Variants in RBMS3 observed in about 807,000 individuals in gnomAD.
RBMS3 encodes RNA binding motif single stranded interacting protein 3.
In RBMS3, 27 loss-of-function variants were observed where a neutral mutation model predicts 66.8. That is an observed-to-expected ratio of 0.40 (90% confidence interval 0.30 to 0.56). RBMS3 has a LOEUF of 0.56. Among genes scored for constraint, RBMS3 ranks in the 20% least tolerant of loss-of-function variants. The pLI is 0.40. For missense variants in RBMS3, 513 were observed against 549.5 expected, an observed-to-expected ratio of 0.93 and a Z score of 0.66; for synonymous variants, 188 against 183.0, an observed-to-expected ratio of 1.03 and a Z score of -0.22.
At chr3:29,916,244 C>G (rs776522801) in intron 10 of RBMS3, among the ~76,000 whole-genome samples, 11 of 151,952 alleles carry the variant, frequency 7.2e-5, no homozygotes, top group Non-Finnish European at 1.3e-4. Context: ...CTCTCTTTCC[C>G]CCTCTCCATT....
At chr3:29,704,003 G>C (rs919153825) in intron 4 of RBMS3, among the ~76,000 whole-genome samples, 2 of 152,200 alleles carry the variant, frequency 1.3e-5, no homozygotes, top group African/African-American at 4.8e-5. Context: ...TAGGTTGTGT[G>C]TTCCTTATGA....
intron 6 of RBMS3, among the ~76,000 whole-genome samples, chr3:29,794,390 T>G (rs2057112309): frequency 1.3e-5 from 2 of 151,962 alleles, no homozygotes; most frequent in Admixed American, 1.3e-4. Flanking sequence ...ATCGAGACCA[T>G]CCTGGCTAAC....
chr3:29,793,097 G>A (rs1018669712), intron 6 of RBMS3, among the ~76,000 whole-genome samples: 2 of 151,944 alleles, frequency 1.3e-5, no homozygotes, highest in Non-Finnish European at 2.9e-5. Flanking sequence ...AAATTAGCTG[G>A]GTGTGCACCT....
intron 1 of RBMS3, among the ~76,000 whole-genome samples, chr3:29,327,456 A>T (rs1227918567): frequency 6.6e-6 from 1 of 152,158 alleles, no homozygotes; most frequent in Non-Finnish European, 1.5e-5. Flanking sequence ...GGAGTGGAGG[A>T]TAAATGACAG....
chr3:29,953,367 C>G (rs1253769484), intron 12 of RBMS3, among the ~76,000 whole-genome samples: 1 of 151,932 alleles, frequency 6.6e-6, no homozygotes, highest in African/African-American at 2.4e-5. Context: ...TTGTCCACCA[C>G]AGTCCTTGAG....
chr3:29,717,933 T>G (rs1029336376), intron 4 of RBMS3, among the ~76,000 whole-genome samples: 1 of 152,130 alleles, frequency 6.6e-6, no homozygotes, highest in Non-Finnish European at 1.5e-5. Context: ...AGATCATGAA[T>G]GCCCACGCTT....
chr3:29,922,209 C>T (rs561688215), intron 10 of RBMS3, among the ~76,000 whole-genome samples: 43 of 152,248 alleles, frequency 2.8e-4, no homozygotes, highest in African/African-American at 1.0e-3. Context: ...TAACAGAGGC[C>T]GGGCACGGTG....
chr3:29,283,679 G>A (rs934787845), intron 1 of RBMS3, among the ~76,000 whole-genome samples: 21 of 152,122 alleles, frequency 1.4e-4, no homozygotes, highest in Admixed American at 5.9e-4. Flanking sequence ...TCCATTAGGC[G>A]TCCTATGTTG....
At chr3:29,723,127 C>T (rs2053715547) in intron 4 of RBMS3, among the ~76,000 whole-genome samples, 1 of 149,824 alleles carries the variant, frequency 6.7e-6, no homozygotes, top group Non-Finnish European at 1.5e-5. Flanking sequence ...AGGCGCACAT[C>T]CCCACGCCTG....
chr3:29,718,707 G>A (rs1401911277), intron 4 of RBMS3, among the ~76,000 whole-genome samples: 2 of 152,144 alleles, frequency 1.3e-5, no homozygotes, highest in Non-Finnish European at 2.9e-5. Context: ...CACATGCTTG[G>A]TATGTAACTA....
At chr3:29,500,103 G>A (rs2043910745) in intron 3 of RBMS3, among the ~76,000 whole-genome samples, 1 of 150,208 alleles carries the variant, frequency 6.7e-6, no homozygotes, top group Admixed American at 6.6e-5. Flanking sequence ...ATTACATAAG[G>A]TAGAATTTGT....
At chr3:29,517,320 T>C (rs1039976149) in intron 3 of RBMS3, among the ~76,000 whole-genome samples, 5 of 105,558 alleles carry the variant, frequency 4.7e-5, no homozygotes, top group African/African-American at 2.6e-4. Context: ...TATATATATA[T>C]TTTTTTTTTG....
chr3:29,418,220 G>A (rs1458537608), intron 1 of RBMS3, among the ~76,000 whole-genome samples: 1 of 152,058 alleles, frequency 6.6e-6, no homozygotes, highest in Non-Finnish European at 1.5e-5. Context: ...GAACACACTA[G>A]GTCATGCCAT....
intron 1 of RBMS3, among the ~76,000 whole-genome samples, chr3:29,305,944 T>G (rs2033979383): frequency 1.3e-5 from 2 of 152,004 alleles, no homozygotes; most frequent in South Asian, 2.1e-4. Flanking sequence ...TGTCACAGAA[T>G]AGTCAGAAGG....
chr3:29,759,900 A>C (rs2055590770), intron 5 of RBMS3, among the ~76,000 whole-genome samples: 1 of 152,102 alleles, frequency 6.6e-6, no homozygotes, highest in South Asian at 2.1e-4. Context: ...GTGCAGCGTA[A>C]CATGGTTTGA....
chr3:29,585,158 A>G (rs1042185480), intron 3 of RBMS3, among the ~76,000 whole-genome samples: 1 of 152,126 alleles, frequency 6.6e-6, no homozygotes, highest in African/African-American at 2.4e-5. Flanking sequence ...TTATTATTGA[A>G]TGAATAAATA....
Position 29,792,402 on chromosome 3 carries a change from G to A in RBMS3, c.637+29413G>A, listed in dbSNP as rs560408430. Among the ~76,000 whole-genome samples the A allele has an allele frequency of 7.9e-5, 12 of 152,222 alleles. No homozygotes were observed. In the East Asian group the frequency reaches 2.3e-3, roughly 29 times the overall value. Reference sequence around the variant, plus strand: ...TGAAGTTCTTACTTTGAAATGCAGGGCCCTTCATTCTTTGGCTTAATCCTC... The same window carrying A: ...TGAAGTTCTTACTTTGAAATGCAGGACCCTTCATTCTTTGGCTTAATCCTC... On this transcript the variant is annotated intron_variant, in intron 6 of 14. Transcript: ENST00000383767.
intron 4 of RBMS3, among the ~76,000 whole-genome samples, chr3:29,651,534 T>G (rs1011893784): frequency 6.6e-6 from 1 of 152,186 alleles, no homozygotes; most frequent in East Asian, 1.9e-4. Context: ...TTCATTTTGA[T>G]TTTTATCAGT....
At chr3:29,420,541 C>G (rs1187136736) in intron 1 of RBMS3, among the ~76,000 whole-genome samples, 1 of 146,204 alleles carries the variant, frequency 6.8e-6, no homozygotes, top group Admixed American at 7.1e-5. Flanking sequence ...AGGTAAAAAT[C>G]AGTGGTGTAC....
Sources: allele counts gnomAD v4.1 joint callset (sites outside exome capture counted in the v4.1 genomes callset), GRCh38; gene constraint gnomAD v4.1.1; transcripts MANE v1.5; gene names NCBI Gene and HGNC (gene_info 2026-07-23, HGNC 2026-07-21).